The following RBFOX1 variants were observed in gnomAD, a reference collection of about 807,000 sequenced individuals.
The protein encoded by RBFOX1 is RNA binding fox-1 homolog 1.
A neutral mutation model predicts 57.7 loss-of-function variants in RBFOX1; 8 were observed. The ratio of observed to expected loss-of-function variants is 0.14; its 90% CI spans 0.08 to 0.25. RBFOX1 has a LOEUF of 0.25. RBFOX1 is among the 10% of genes least tolerant of loss of function. The pLI is 1.00. For missense variants in RBFOX1, 611 were observed against 548.5 expected, an observed-to-expected ratio of 1.11 and a Z score of -1.14; for synonymous variants, 326 against 222.4, an observed-to-expected ratio of 1.47 and a Z score of -4.15.
intron 3 of RBFOX1, among the ~76,000 whole-genome samples, chr16:5,693,667 CT>C (rs1288435694): frequency 6.6e-6 from 1 of 152,162 alleles, no homozygotes; most frequent in Non-Finnish European, 1.5e-5. Context: ...GGTTCCAGAA[CT>C]TTTGATGCCA....
chr16:7,253,535 A>AT (rs2094566519), intron 4 of RBFOX1, among the ~76,000 whole-genome samples: 1 of 152,174 alleles, frequency 6.6e-6, no homozygotes, highest in African/African-American at 2.4e-5. Flanking sequence ...TCTGCAAAAC[A>AT]TTAAATGCAC....
rs534365235 is a variant in RBFOX1, at chr16:6,556,175, G to C, written c.-63-98428G>C. On this transcript the variant is annotated intron_variant, in intron 2 of 15. Coordinates refer to ENST00000550418, the MANE Select transcript of RBFOX1 (RefSeq NM_018723.4). ...ATAAACCCTGTCTTTATTTAAACGT[G>C]GGCGGCATTGACTTCCCGCTGTAGG... 2.1e-3 allele frequency among the ~76,000 whole-genome samples: 313 copies of C among 152,180 alleles called. 1 individual carries two copies. The highest frequency in any genetic ancestry group is 0.02 in the Middle Eastern group (6 of 294).
At chr16:5,874,195 G>A (rs1213496324) in intron 4 of RBFOX1, among the ~76,000 whole-genome samples, 1 of 152,206 alleles carries the variant, frequency 6.6e-6, no homozygotes, top group African/African-American at 2.4e-5. Context: ...TGTCTTAGGA[G>A]TAAACAGAAG....
At chr16:5,454,975 CTT>C (rs1438207306) in intron 1 of RBFOX1, among the ~76,000 whole-genome samples, 5 of 84,092 alleles carry the variant, frequency 5.9e-5, no homozygotes, top group African/African-American at 2.1e-4. Flanking sequence ...TTCTTTCTTT[CTT>C]TCTTTCTTTC....
At chr16:6,929,138 A>G (rs1190776379) in intron 3 of RBFOX1, among the ~76,000 whole-genome samples, 1 of 152,120 alleles carries the variant, frequency 6.6e-6, no homozygotes, top group African/African-American at 2.4e-5. Flanking sequence ...ACTTTATTAA[A>G]CACATCTCTT....
chr16:5,667,419 T>A (rs1184640339), intron 3 of RBFOX1, among the ~76,000 whole-genome samples: 1 of 152,256 alleles, frequency 6.6e-6, no homozygotes, highest in Non-Finnish European at 1.5e-5. Flanking sequence ...CTATTTTGAT[T>A]TTCTGTTTAG....
chr16:6,585,006 C>T (rs1191590718), intron 2 of RBFOX1, among the ~76,000 whole-genome samples: 2 of 152,168 alleles, frequency 1.3e-5, no homozygotes, highest in Non-Finnish European at 2.9e-5. Context: ...AAGCTGCAGG[C>T]AAGCGGATTC....
chr16:5,267,695 C>G (rs895791425), intron 1 of RBFOX1, among the ~76,000 whole-genome samples: 2 of 152,206 alleles, frequency 1.3e-5, no homozygotes, highest in African/African-American at 4.8e-5. Flanking sequence ...GGAATCTTCT[C>G]TACTTCCAGA....
chr16:6,832,367 A>G (rs2092768220), intron 3 of RBFOX1, among the ~76,000 whole-genome samples: 1 of 152,154 alleles, frequency 6.6e-6, no homozygotes, highest in South Asian at 2.1e-4. Flanking sequence ...GAAATGGATT[A>G]TTGGTAGTGG....
intron 1 of RBFOX1, among the ~76,000 whole-genome samples, chr16:5,372,981 C>G (rs1283462744): frequency 6.6e-6 from 1 of 152,220 alleles, no homozygotes; most frequent in East Asian, 1.9e-4. Flanking sequence ...TAGCTTCTGT[C>G]TCATCTTCTC....
intron 2 of RBFOX1, among the ~76,000 whole-genome samples, chr16:5,562,419 C>T (rs1400328800): frequency 6.6e-6 from 1 of 152,062 alleles, no homozygotes; most frequent in Non-Finnish European, 1.5e-5. Context: ...TAGATCAGGG[C>T]TCTGAGGGCA....
At chr16:7,035,417 C>G (rs981582049) in intron 3 of RBFOX1, among the ~76,000 whole-genome samples, 1 of 152,152 alleles carries the variant, frequency 6.6e-6, no homozygotes, top group African/African-American at 2.4e-5. Flanking sequence ...TGCACCCTAT[C>G]GAATGCACTG....
At chr16:6,672,373 G>C (rs981940239) in intron 3 of RBFOX1, among the ~76,000 whole-genome samples, 5 of 150,412 alleles carry the variant, frequency 3.3e-5, no homozygotes, top group Admixed American at 2.0e-4. Context: ...AGAAGAGGGA[G>C]AAAGAGAGAG....
intron 1 of RBFOX1, among the ~76,000 whole-genome samples, chr16:6,155,890 G>C (rs1223963372): frequency 1.3e-5 from 2 of 152,204 alleles, no homozygotes; most frequent in African/African-American, 4.8e-5. Context: ...AGCATTTCAA[G>C]ATGGTATCAG....
intron 4 of RBFOX1, among the ~76,000 whole-genome samples, chr16:7,155,982 A>G (rs1028000139): frequency 6.6e-6 from 1 of 151,650 alleles, no homozygotes; most frequent in Non-Finnish European, 1.5e-5. Context: ...TGTAATATAC[A>G]GATATGTTTT....
At chr16:5,257,852 G>C (rs887267150) in intron 1 of RBFOX1, among the ~76,000 whole-genome samples, 2 of 151,858 alleles carry the variant, frequency 1.3e-5, no homozygotes, top group African/African-American at 2.4e-5. Context: ...TTTTTGGGGT[G>C]GGGGGGAAAT....
chr16:6,240,912 C>T (rs1567752688), intron 1 of RBFOX1, among the ~76,000 whole-genome samples: 1 of 152,200 alleles, frequency 6.6e-6, no homozygotes, highest in Non-Finnish European at 1.5e-5. Context: ...TCTCCCTGTT[C>T]ACTGTACTCT....
At chr16:7,670,691 A>T (rs2071124528) in intron 13 of RBFOX1, among the ~76,000 whole-genome samples, 1 of 152,212 alleles carries the variant, frequency 6.6e-6, no homozygotes, top group African/African-American at 2.4e-5. Flanking sequence ...TTTAAACTGG[A>T]AAGGCAGGCT....
chr16:7,372,024 G>C (rs1242397599), intron 4 of RBFOX1, among the ~76,000 whole-genome samples: 1 of 151,936 alleles, frequency 6.6e-6, no homozygotes, highest in African/African-American at 2.4e-5. Context: ...TTATCTGATA[G>C]AGATATTTAA....
Sources: gnomAD v4.1 joint callset for allele counts (sites outside exome capture counted in the v4.1 genomes callset) on GRCh38, gnomAD v4.1.1 for gene constraint, MANE v1.5 for transcripts, NCBI Gene and HGNC (gene_info 2026-07-23, HGNC 2026-07-21) for gene names.